Variants in ZNF385D observed in about 807,000 individuals in gnomAD.
The protein encoded by ZNF385D is zinc finger protein 659.
In ZNF385D, 15 loss-of-function variants were observed where a neutral mutation model predicts 35.8. The ratio of observed to expected loss-of-function variants is 0.42; its 90% confidence interval spans 0.28 to 0.64. The LOEUF (loss-of-function observed/expected upper bound fraction) is 0.64, where lower values mean the gene tolerates loss of function less well. Among genes scored for constraint, ZNF385D ranks in the 30% least tolerant of loss-of-function variants. ZNF385D has a pLI of 0.23. For synonymous variants in ZNF385D, 212 were observed against 186.8 expected, an observed-to-expected ratio of 1.13 and a Z score of -1.10; for missense variants, 474 against 494.6, an observed-to-expected ratio of 0.96 and a Z score of 0.39.
chr3:21,711,842 CAT>C (rs2068121279), intron 1 of ZNF385D, among the ~76,000 whole-genome samples: 1 of 152,134 alleles, frequency 6.6e-6, no homozygotes, highest in African/African-American at 2.4e-5. Context: ...TCTGGTAACC[CAT>C]TTTTCTACCT....
At chr3:22,072,693 G>C (rs1003901864) in intron 3 of ZNF385D, among the ~76,000 whole-genome samples, 1 of 151,604 alleles carries the variant, frequency 6.6e-6, no homozygotes, top group African/African-American at 2.4e-5. Context: ...GAGAAAGAGG[G>C]AGAAAGGGAG....
intron 4 of ZNF385D, among the ~76,000 whole-genome samples, chr3:21,455,368 G>A (rs977413420): frequency 2.6e-5 from 4 of 152,160 alleles, no homozygotes; most frequent in Non-Finnish European, 5.9e-5. Context: ...AAACAGCATG[G>A]TACTGGTACC....
intron 2 of ZNF385D, among the ~76,000 whole-genome samples, chr3:21,575,688 A>C (rs1242270130): frequency 6.6e-6 from 1 of 152,150 alleles, no homozygotes; most frequent in Non-Finnish European, 1.5e-5. Context: ...AACCAGGCTA[A>C]GTCTTCCCAG....
At chr3:21,886,645 G>C (rs1575839950) in intron 3 of ZNF385D, among the ~76,000 whole-genome samples, 1 of 152,078 alleles carries the variant, frequency 6.6e-6, no homozygotes, top group Admixed American at 6.6e-5. Flanking sequence ...TACTGAACTG[G>C]AGTGCATCTG....
intron 1 of ZNF385D, among the ~76,000 whole-genome samples, chr3:21,676,791 G>A (rs1206744021): frequency 2.8e-5 from 2 of 71,862 alleles, no homozygotes; most frequent in African/African-American, 8.2e-5. Context: ...AAGCCCATAT[G>A]TATTTTTTTT....
chr3:22,074,184 A>G (rs1353717610), intron 3 of ZNF385D, among the ~76,000 whole-genome samples: 4 of 151,978 alleles, frequency 2.6e-5, no homozygotes, highest in Non-Finnish European at 5.9e-5. Flanking sequence ...AAGTGTCAAC[A>G]GCTGTGCAAT....
chr3:21,509,809 G>T (rs1250616971), intron 4 of ZNF385D, among the ~76,000 whole-genome samples: 1 of 152,250 alleles, frequency 6.6e-6, no homozygotes, highest in South Asian at 2.1e-4. Context: ...AATACAAAAT[G>T]CCACAGGAAC....
rs1378012731 is a variant in ZNF385D, at chr3:22,172,541, G to A, written c.107-3506C>T. Among the ~76,000 whole-genome samples the A allele has an allele frequency of 3.9e-5, 6 of 152,266 alleles. No homozygotes were observed. The East Asian group carries it at 1.2e-3, about 29-fold the overall frequency. On this transcript the variant is annotated intron_variant, in intron 2 of 5. Transcript: ENST00000494108. Reference sequence around the variant, plus strand: ...ACCTTTGCCAAAGGACCAGCTGTTGGTATCAAGACTGCCCTGAGAAGTGCT... The same window carrying A: ...ACCTTTGCCAAAGGACCAGCTGTTGATATCAAGACTGCCCTGAGAAGTGCT...
At chr3:21,847,427 A>C (rs1445041082) in intron 3 of ZNF385D, among the ~76,000 whole-genome samples, 1 of 152,096 alleles carries the variant, frequency 6.6e-6, no homozygotes, top group African/African-American at 2.4e-5. Context: ...CAATAACTGA[A>C]CAATTGCATT....
chr3:21,642,327 C>G (rs976887704), intron 2 of ZNF385D, among the ~76,000 whole-genome samples: 6 of 152,060 alleles, frequency 3.9e-5, no homozygotes, highest in Non-Finnish European at 7.4e-5. Flanking sequence ...ATTAAACCTT[C>G]CCTCTTAACC....
chr3:22,347,366 T>A (rs925019022), intron 2 of ZNF385D, among the ~76,000 whole-genome samples: 4 of 152,194 alleles, frequency 2.6e-5, no homozygotes, highest in African/African-American at 9.6e-5. Flanking sequence ...CTCCTTGAGT[T>A]TTGATCTATA....
chr3:22,037,660 A>C (rs1169482890), intron 3 of ZNF385D, among the ~76,000 whole-genome samples: 106 of 147,960 alleles, frequency 7.2e-4, no homozygotes, highest in African/African-American at 2.2e-3. Context: ...CTGTAGGTTG[A>C]CTGTTCACTC....
chr3:22,045,595 G>T (rs74898212), intron 3 of ZNF385D, among the ~76,000 whole-genome samples: 1 of 151,930 alleles, frequency 6.6e-6, no homozygotes, highest in Non-Finnish European at 1.5e-5. Context: ...AACAGCACCC[G>T]CATAGTGTAG....
intron 2 of ZNF385D, among the ~76,000 whole-genome samples, chr3:22,348,316 C>T (rs150140627): frequency 5.9e-5 from 9 of 151,838 alleles, no homozygotes; most frequent in Non-Finnish European, 1.2e-4. Flanking sequence ...AAGTTGTTAG[C>T]GTGGTCCCTA....
chr3:21,714,401 C>T (rs917700069), intron 1 of ZNF385D, among the ~76,000 whole-genome samples: 2 of 152,172 alleles, frequency 1.3e-5, no homozygotes, highest in African/African-American at 2.4e-5. Context: ...ACTAAAGGCT[C>T]ACTTCTGAGC....
At chr3:21,823,232 T>C (rs1251107119) in intron 3 of ZNF385D, among the ~76,000 whole-genome samples, 1 of 152,198 alleles carries the variant, frequency 6.6e-6, no homozygotes, top group African/African-American at 2.4e-5. Flanking sequence ...TTACTTTATG[T>C]AGTTGGTTAT....
intron 3 of ZNF385D, among the ~76,000 whole-genome samples, chr3:21,908,607 T>C (rs1035117540): frequency 2.6e-5 from 4 of 152,046 alleles, no homozygotes; most frequent in Non-Finnish European, 5.9e-5. Context: ...TTAGGAAGGT[T>C]TTCACTAAGG....
chr3:21,954,018 T>G (rs760538081), intron 3 of ZNF385D, among the ~76,000 whole-genome samples: 4 of 152,056 alleles, frequency 2.6e-5, no homozygotes, highest in Non-Finnish European at 5.9e-5. Flanking sequence ...GAAAAGATAC[T>G]CAAATTACTT....
chr3:22,242,596 G>A (rs1460895972), intron 2 of ZNF385D, among the ~76,000 whole-genome samples: 2 of 150,876 alleles, frequency 1.3e-5, no homozygotes, highest in Non-Finnish European at 2.9e-5. Flanking sequence ...AGGTTATAAC[G>A]AAGGAAATAT....
Sources: gnomAD v4.1 joint callset for allele counts (sites outside exome capture counted in the v4.1 genomes callset) on GRCh38, gnomAD v4.1.1 for gene constraint, MANE v1.5 for transcripts, NCBI Gene and HGNC (gene_info 2026-07-23, HGNC 2026-07-21) for gene names.